Variants in TBC1D5 observed in about 807,000 individuals in gnomAD.
The protein encoded by TBC1D5 is TBC1 domain family member 5.
In TBC1D5, 75 loss-of-function variants were observed where a neutral mutation model predicts 100.3. The observed-to-expected ratio is 0.75, with a 90% CI of 0.62 to 0.91. The LOEUF (loss-of-function observed/expected upper bound fraction) is 0.91, where lower values mean the gene tolerates loss of function less well. TBC1D5 is among the 40% of genes least tolerant of loss of function. The pLI is 0.00. For synonymous variants in TBC1D5, 323 were observed against 325.6 expected (o/e 0.99, Z 0.09); for missense variants, 910 against 942.4 (o/e 0.97, Z 0.45).
intron 2 of TBC1D5, among the ~76,000 whole-genome samples, chr3:17,595,656 G>A (rs2060513867): frequency 6.7e-6 from 1 of 150,090 alleles, no homozygotes; most frequent in Admixed American, 6.7e-5. Context: ...TTCAGATGAG[G>A]ACACTGAAGT....
At chr3:17,387,320 T>A (rs181483182) in intron 8 of TBC1D5, among the ~76,000 whole-genome samples, 169 of 152,220 alleles carry the variant, frequency 1.1e-3, no homozygotes, top group African/African-American at 3.9e-3. Context: ...TCTGGGTAGT[T>A]AACAGAACAG....
intron 14 of TBC1D5, among the ~76,000 whole-genome samples, chr3:17,304,273 C>T (rs961203123): frequency 3.3e-5 from 5 of 152,082 alleles, no homozygotes; most frequent in Non-Finnish European, 5.9e-5. Flanking sequence ...ATTCTAGATG[C>T]TGGTATATGG....
intron 1 of TBC1D5, among the ~76,000 whole-genome samples, chr3:17,679,178 T>C (rs1183652284): frequency 6.6e-6 from 1 of 151,170 alleles, no homozygotes; most frequent in African/African-American, 2.5e-5. Context: ...GTGTGACTAC[T>C]ATCTATCCCA....
chr3:17,564,965 G>A (rs549511831), intron 2 of TBC1D5, among the ~76,000 whole-genome samples: 1 of 151,784 alleles, frequency 6.6e-6, no homozygotes, highest in Non-Finnish European at 1.5e-5. Flanking sequence ...AGAAAAAAAT[G>A]AAAGTTGAGA....
At chr3:17,266,358 T>C (rs1226194580) in intron 15 of TBC1D5, among the ~76,000 whole-genome samples, 1 of 152,186 alleles carries the variant, frequency 6.6e-6, no homozygotes, top group Non-Finnish European at 1.5e-5. Flanking sequence ...GCCTGAATAT[T>C]ATCTAAATAT....
chr3:17,159,611 G>T (rs984201581), exon 22 of TBC1D5: 3 of 152,274 alleles, frequency 2.0e-5, no homozygotes, highest in African/African-American at 7.2e-5. Context: ...CCTTTCCAGG[G>T]ATCTTCTTTA....
chr3:17,351,552 G>A lies in TBC1D5; in HGVS notation c.995+20523C>T, dbSNP rs201302327. Among the ~76,000 whole-genome samples the A allele has an allele frequency of 3.3e-5, 5 of 151,986 alleles. No individual in the cohort carries two copies. The South Asian group carries it at 8.3e-4, about 25-fold the overall frequency. ...AATGAGAATATATGGGCACAGGGAGGGGAACATCATACACCAAGGCCTTTC... is the reference window on the plus strand; with the variant it reads ...AATGAGAATATATGGGCACAGGGAGAGGAACATCATACACCAAGGCCTTTC... On this transcript the variant is annotated intron_variant, in intron 13 of 21. Transcript: ENST00000253692.
chr3:17,470,565 TA>T (rs2095360999), intron 3 of TBC1D5, among the ~76,000 whole-genome samples: 1 of 152,168 alleles, frequency 6.6e-6, no homozygotes, highest in Non-Finnish European at 1.5e-5. Flanking sequence ...TAAATGATTG[TA>T]AAATGTATGT....
intron 15 of TBC1D5, among the ~76,000 whole-genome samples, chr3:17,277,864 C>A (rs1377377091): frequency 6.6e-6 from 1 of 152,216 alleles, no homozygotes; most frequent in African/African-American, 2.4e-5. Flanking sequence ...GGGTATCTCA[C>A]TGCACCCTCA....
intron 19 of TBC1D5, among the ~76,000 whole-genome samples, chr3:17,174,288 AGGTTCTAAATATGGTGCTCAAGGTGTTTG>A (rs1414573633): frequency 1.3e-5 from 2 of 152,048 alleles, no homozygotes; most frequent in Admixed American, 6.5e-5. Context: ...CAAAGGTGCC[AGGTTCTAAATATGGTGCTCAAGGTGTTTG>A]GGTTCTAAAT....
chr3:17,613,384 C>T (rs2061851656), intron 2 of TBC1D5, among the ~76,000 whole-genome samples: 1 of 152,148 alleles, frequency 6.6e-6, no homozygotes, highest in South Asian at 2.1e-4. Context: ...GATTAACAAT[C>T]CTTTGGGTAT....
intron 3 of TBC1D5, among the ~76,000 whole-genome samples, chr3:17,433,537 G>A (rs1197042433): frequency 2.0e-5 from 3 of 152,018 alleles, no homozygotes; most frequent in Non-Finnish European, 2.9e-5. Flanking sequence ...GGGGGTAACC[G>A]CCCTCATGAT....
chr3:17,207,070 G>C (rs1257113084), intron 18 of TBC1D5, among the ~76,000 whole-genome samples: 1 of 152,112 alleles, frequency 6.6e-6, no homozygotes, highest in Non-Finnish European at 1.5e-5. Context: ...AAGTAGCTGG[G>C]ACTACAGGTG....
At chr3:17,467,286 CTTTTT>C (rs11299814) in intron 3 of TBC1D5, among the ~76,000 whole-genome samples, 15 of 121,286 alleles carry the variant, frequency 1.2e-4, no homozygotes, top group African/African-American at 3.5e-4. Context: ...GCCAGACCTT[CTTTTT>C]TTTTTTTTTT....
At chr3:17,330,862 C>CA (rs2086781168) in intron 13 of TBC1D5, among the ~76,000 whole-genome samples, 1 of 152,120 alleles carries the variant, frequency 6.6e-6, no homozygotes, top group Non-Finnish European at 1.5e-5. Flanking sequence ...GCTGACAAAG[C>CA]AAAAATCTGA....
Position 17,448,029 on chromosome 3 carries a change from G to A in TBC1D5, c.98-19510C>T, listed in dbSNP as rs993860876. Among the ~76,000 whole-genome samples, 18 of 152,150 alleles carry A rather than the reference G, an allele frequency of 1.2e-4. No homozygotes were observed. In the South Asian group the frequency reaches 1.2e-3, roughly 11 times the overall value. On this transcript the variant is annotated intron_variant, in intron 3 of 21. Coordinates refer to ENST00000253692, the Ensembl canonical transcript of TBC1D5. Reference sequence around the variant, plus strand: ...ATTAACTTTGTAGCCAGGAGTGTTAGTGTGCACCTGTAGTCTCAGTAGCAC... The same window carrying A: ...ATTAACTTTGTAGCCAGGAGTGTTAATGTGCACCTGTAGTCTCAGTAGCAC...
chr3:17,241,399 T>C (rs186272466), intron 16 of TBC1D5, among the ~76,000 whole-genome samples: 4 of 152,254 alleles, frequency 2.6e-5, no homozygotes, highest in African/African-American at 9.6e-5. Flanking sequence ...GTGTTAACAG[T>C]GTTGAAATAA....
chr3:17,685,821 C>A (rs911954670), intron 1 of TBC1D5, among the ~76,000 whole-genome samples: 1 of 152,068 alleles, frequency 6.6e-6, no homozygotes, highest in South Asian at 2.1e-4. Context: ...TATAATAATG[C>A]TACAGCCTTT....
chr3:17,344,796 G>C (rs1362173040), intron 13 of TBC1D5, among the ~76,000 whole-genome samples: 1 of 152,138 alleles, frequency 6.6e-6, no homozygotes, highest in Admixed American at 6.5e-5. Context: ...TGACAAACCT[G>C]AGAAAAACAA....
Sources: gnomAD v4.1 joint callset for allele counts (sites outside exome capture counted in the v4.1 genomes callset) on GRCh38, gnomAD v4.1.1 for gene constraint, MANE v1.5 for transcripts, NCBI Gene and HGNC (gene_info 2026-07-23, HGNC 2026-07-21) for gene names.